Variants in STRN3 observed in about 807,000 individuals in gnomAD.
STRN3 encodes the protein striatin-3.
Under a neutral mutation model 95.6 loss-of-function variants are expected in STRN3, and 29 were observed. The ratio of observed to expected loss-of-function variants is 0.30; its 90% CI spans 0.23 to 0.41. STRN3 has a LOEUF of 0.41. STRN3 is among the 10% of genes least tolerant of loss of function. The probability of loss-of-function intolerance (pLI) is 1.00; values close to 1 mark genes in which losing one functional copy is unlikely to be tolerated. For synonymous variants in STRN3, 331 were observed against 357.6 expected (o/e 0.93, Z 0.84); for missense variants, 890 against 972.1 (o/e 0.92, Z 1.12).
intron 4 of STRN3, among the ~76,000 whole-genome samples, chr14:30,950,538 TCACACCCACA>T (rs1566453301): frequency 6.6e-6 from 1 of 152,150 alleles, no homozygotes; most frequent in Non-Finnish European, 1.5e-5. Context: ...TCTAGACCGG[TCACACCCACA>T]CTGAAAAGAA....
Position 31,018,131 on chromosome 14 carries a change from T to A in STRN3, c.282+7773A>T, listed in dbSNP as rs567698854. On this transcript the variant is annotated intron_variant, in intron 1 of 17. Coordinates refer to ENST00000357479, the MANE Select transcript of STRN3 (RefSeq NM_001083893.2). ...AATTTAAATAAATTTAAAACCATTT[T>A]GTTAAAAAAAAAAAACCTTAATAAA... Among the ~76,000 whole-genome samples, 34 of 129,788 alleles carry A rather than the reference T, an allele frequency of 2.6e-4. 1 individual carries two copies. Among genetic ancestry groups the A allele is most frequent in the Admixed American group, 7.2e-4 (9 of 12,564 alleles). The allele number at this position is 129,788 out of a possible 152,430, so 85.1% of individuals were successfully genotyped here.
chr14:31,019,178 C>T (rs908407943), intron 1 of STRN3, among the ~76,000 whole-genome samples: 3 of 152,080 alleles, frequency 2.0e-5, no homozygotes, highest in South Asian at 2.1e-4. Context: ...CGTGGTAGCA[C>T]GTGCCTATAG....
Position 30,945,145 on chromosome 14 carries a change from A to G in STRN3, c.716+1945T>C, listed in dbSNP as rs923784204. ...TATCAATTCCGTATTCATCAAAAGT[A>G]TATCTGTTAGACAATAACAAGTGTT... is the stretch of plus-strand genomic sequence containing the variant. On this transcript the variant is annotated intron_variant, in intron 5 of 17. Coordinates refer to ENST00000357479, the MANE Select transcript of STRN3 (RefSeq NM_001083893.2). Among the ~76,000 whole-genome samples the G allele has an allele frequency of 6.6e-5, 10 of 152,334 alleles. No individual in the cohort carries two copies. The South Asian group carries it at 1.7e-3, about 25-fold the overall frequency.
rs1057287542 is a variant in STRN3 at position 31,026,188 on chromosome 14, T to G, written c.-3A>C. The G allele has an allele frequency of 9.7e-6, 14 of 1,439,310 alleles. No individual in the cohort carries two copies. The East Asian group carries it at 3.6e-4, about 37-fold the overall frequency. 89.2% of individuals were successfully genotyped at this position (1,439,310 alleles called of 1,614,324 possible). ...CCGCCTCCGGCAAGCTCGTCCATTG[T>G]GTGTGGGGCCCCGGCCGGGGCGCAG... On this transcript the variant is annotated 5_prime_UTR_variant, in exon 1 of 18. Coordinates refer to ENST00000357479, the MANE Select transcript of STRN3 (RefSeq NM_001083893.2).
Position 30,894,777 on chromosome 14 carries a change from A to G in STRN3, c.*634T>C. 4.4e-6 allele frequency: 1 copy of G among 226,148 alleles called. No individual in the cohort carries two copies. 14.0% of individuals were successfully genotyped at this position (226,148 alleles called of 1,614,324 possible). A position where few individuals can be genotyped will look rare whatever the true frequency, so the allele number is the denominator to read the frequency against. ...GTATAATGCAGAAAAACTTCAATAC[A>G]ATCTTGAGCACTGTTGTGACAGGCT... On this transcript the variant is annotated 3_prime_UTR_variant, in exon 18 of 18. Coordinates refer to ENST00000357479, the MANE Select transcript of STRN3 (RefSeq NM_001083893.2).
Position 30,918,751 on chromosome 14 carries a change from C to G in STRN3, c.1240+215G>C, listed in dbSNP as rs58559369. ...TTCACCTATGATGGAAACAACAACT[C>G]CTCACATTAAAAACAAAAACAAAAT... On this transcript the variant is annotated intron_variant, in intron 9 of 17. Transcript: ENST00000357479. Among the ~76,000 whole-genome samples, 372 of 152,128 alleles carry G rather than the reference C, an allele frequency of 2.4e-3. 1 individual carries two copies. Among genetic ancestry groups the G allele is most frequent in the African/African-American group, 8.2e-3 (339 of 41,496 alleles).
intron 1 of STRN3, among the ~76,000 whole-genome samples, chr14:30,967,854 A>G (rs1880610411): frequency 6.6e-6 from 1 of 152,224 alleles, no homozygotes; most frequent in African/African-American, 2.4e-5. Flanking sequence ...AATCTTAATT[A>G]CCATACAAAG....
At chr14:30,925,234 C>T (rs1313005861) in intron 8 of STRN3, among the ~76,000 whole-genome samples, 8 of 91,670 alleles carry the variant, frequency 8.7e-5, no homozygotes, top group South Asian at 3.4e-4. Context: ...GGGGAGGGGG[C>T]GGGCAGGGGG....
At chr14:30,986,470 AG>A in intron 1 of STRN3, among the ~76,000 whole-genome samples, 1 of 152,364 alleles carries the variant, frequency 6.6e-6, no homozygotes, top group East Asian at 1.9e-4. Context: ...GATAGTAGCC[AG>A]AAAGGACATA....
chr14:31,014,812 TTA>T, intron 1 of STRN3: 1 of 411,082 alleles, frequency 2.4e-6, no homozygotes, highest in Non-Finnish European at 4.7e-6. Context: ...CAAAACCACT[TTA>T]AAAAAAAAAA....
At chr14:30,994,825 G>T (rs921749183) in intron 1 of STRN3, among the ~76,000 whole-genome samples, 3 of 152,124 alleles carry the variant, frequency 2.0e-5, no homozygotes, top group African/African-American at 7.2e-5. Flanking sequence ...CGACATTAAT[G>T]CCACATATTA....
intron 7 of STRN3, among the ~76,000 whole-genome samples, chr14:30,931,254 T>TA (rs1878522822): frequency 6.6e-6 from 1 of 152,158 alleles, no homozygotes; most frequent in South Asian, 2.1e-4. Flanking sequence ...AGCTGTTTGA[T>TA]ATTGCTTATA....
At chr14:30,942,294 G>A (rs554290402) in intron 5 of STRN3, among the ~76,000 whole-genome samples, 1 of 152,274 alleles carries the variant, frequency 6.6e-6, no homozygotes, top group Non-Finnish European at 1.5e-5. Flanking sequence ...AGGCACACAA[G>A]TAATATGTGA....
chr14:30,972,388 G>A (rs1391424722), intron 1 of STRN3, among the ~76,000 whole-genome samples: 2 of 152,138 alleles, frequency 1.3e-5, no homozygotes, highest in African/African-American at 4.8e-5. Context: ...GCAGCAAGGG[G>A]CCACATGCAT....
At chr14:30,910,339 C>T (rs1442427583) in intron 13 of STRN3, among the ~76,000 whole-genome samples, 1 of 152,226 alleles carries the variant, frequency 6.6e-6, no homozygotes, top group African/African-American at 2.4e-5. Flanking sequence ...TATGTCTCTA[C>T]TTTCCATTAG....
rs1896074169 is a variant in STRN3, at chr14:30,894,455, T to C, written c.*956A>G. On this transcript the variant is annotated 3_prime_UTR_variant, in exon 18 of 18. Transcript: ENST00000357479. ...AAAAAGTGAAATAAATAATAGGCCA[T>C]TAGCAAGATGGATAATCCTTGATAA... The C allele has an allele frequency of 1.3e-5, 2 of 152,630 alleles. No homozygotes were observed. Among genetic ancestry groups the C allele is most frequent in the Admixed American group, 6.5e-5 (1 of 15,286 alleles). 9.5% of individuals were successfully genotyped at this position (152,630 alleles called of 1,614,324 possible).
chr14:30,928,794 T>C (rs928583682), intron 8 of STRN3, among the ~76,000 whole-genome samples: 1 of 152,174 alleles, frequency 6.6e-6, no homozygotes, highest in Non-Finnish European at 1.5e-5. Context: ...CTATTCACTG[T>C]AGGTAAGGAT....
At chr14:30,938,655 C>T (rs1421676126) in intron 5 of STRN3, among the ~76,000 whole-genome samples, 1 of 151,958 alleles carries the variant, frequency 6.6e-6, no homozygotes, top group Non-Finnish European at 1.5e-5. Context: ...AACATTCGCT[C>T]TTTGAAAGAC....
chr14:30,927,841 A>G (rs10150991), intron 8 of STRN3, among the ~76,000 whole-genome samples: 120,331 of 150,196 alleles, frequency 0.8, 48,685 homozygotes, highest in Non-Finnish European at 0.87. Context: ...ACTGAGGCCG[A>G]AGAATTGCTT....
Sources: allele counts gnomAD v4.1 joint callset (sites outside exome capture counted in the v4.1 genomes callset), GRCh38; gene constraint gnomAD v4.1.1; transcripts MANE v1.5; gene names NCBI Gene and HGNC (gene_info 2026-07-23, HGNC 2026-07-21).